C1QTNF3: variants seen among roughly 807,000 people sequenced by gnomAD.
C1QTNF3 encodes the protein C1q and TNF related 3, also known as complement C1q tumor necrosis factor-related protein 3.
Under a neutral mutation model 32.6 loss-of-function variants are expected in C1QTNF3, and 26 were observed. The observed-to-expected ratio is 0.80, with a 90% CI of 0.58 to 1.11. The LOEUF is 1.11. C1QTNF3 is among the 50% of genes least tolerant of loss of function. The pLI is 0.00. For synonymous variants in C1QTNF3, 155 were observed against 146.0 expected, an observed-to-expected ratio of 1.06 and a Z score of -0.44; for missense variants, 362 against 398.2, an observed-to-expected ratio of 0.91 and a Z score of 0.77.
At chr5:34,123,934 T>C in the C1QTNF3 span, among the ~76,000 whole-genome samples, 1 of 152,150 alleles carries the variant, frequency 6.6e-6, no homozygotes, top group Non-Finnish European at 1.5e-5. Context: ...AATACAGAAA[T>C]ACATTTTTTT....
At chr5:34,055,133 A>G in the C1QTNF3 span, among the ~76,000 whole-genome samples, 1 of 152,220 alleles carries the variant, frequency 6.6e-6, no homozygotes, top group Non-Finnish European at 1.5e-5. Flanking sequence ...TAATGTCACT[A>G]TTGGTGGAGT....
the C1QTNF3 span, among the ~76,000 whole-genome samples, chr5:34,211,986 C>T: frequency 6.6e-6 from 1 of 152,144 alleles, no homozygotes. Context: ...AGGCATCATG[C>T]TACCTGACTT....
the C1QTNF3 span, among the ~76,000 whole-genome samples, chr5:34,083,068 A>G: frequency 6.6e-6 from 1 of 151,454 alleles, no homozygotes; most frequent in South Asian, 2.1e-4. Flanking sequence ...GTTCAAATTC[A>G]TGCCTGTATG....
the C1QTNF3 span, among the ~76,000 whole-genome samples, chr5:34,109,905 G>A: frequency 1.3e-5 from 2 of 152,268 alleles, no homozygotes; most frequent in Admixed American, 6.5e-5. Flanking sequence ...ACTTCCTCAC[G>A]GTATAGTGGC....
the C1QTNF3 span, among the ~76,000 whole-genome samples, chr5:34,085,072 G>T: frequency 7.2e-6 from 1 of 137,988 alleles, no homozygotes; most frequent in Non-Finnish European, 1.5e-5. Context: ...CTCACTGCAA[G>T]CTCCGCCTCC....
chr5:34,087,762 C>T, the C1QTNF3 span, among the ~76,000 whole-genome samples: 1 of 151,986 alleles, frequency 6.6e-6, no homozygotes, highest in African/African-American at 2.4e-5. Flanking sequence ...TTATATATTT[C>T]TTTAGAGATG....
intron 1 of C1QTNF3, 102 bp downstream of exon 1, chr5:34,042,721 A>C: frequency 1.7e-6 from 2 of 1,207,228 alleles, no homozygotes; most frequent in Non-Finnish European, 1.2e-6. Flanking sequence ...GAAAGCATTC[A>C]TTGATTCTAA....
intron 4 of C1QTNF3, chr5:34,024,425 A>G (rs953973635): frequency 1.2e-5 from 2 of 172,790 alleles, no homozygotes; most frequent in African/African-American, 4.7e-5. Flanking sequence ...GAAAATGAGC[A>G]ACTATTACAA....
chr5:34,160,476 T>C, the C1QTNF3 span, among the ~76,000 whole-genome samples: 1 of 152,176 alleles, frequency 6.6e-6, no homozygotes, highest in Non-Finnish European at 1.5e-5. Flanking sequence ...GGATGTTTGA[T>C]CAGCATCTAA....
the C1QTNF3 span, among the ~76,000 whole-genome samples, chr5:34,174,905 G>C: frequency 6.7e-6 from 1 of 150,034 alleles, no homozygotes; most frequent in Non-Finnish European, 1.5e-5. Flanking sequence ...CCACCACCAC[G>C]CCCGGCTGAT....
the C1QTNF3 span, among the ~76,000 whole-genome samples, chr5:34,139,350 A>C: frequency 6.6e-6 from 1 of 152,212 alleles, no homozygotes; most frequent in Non-Finnish European, 1.5e-5. Flanking sequence ...TATTTTACCC[A>C]ACTTCTTTAA....
chr5:34,056,009 A>T, the C1QTNF3 span, among the ~76,000 whole-genome samples: 1 of 152,110 alleles, frequency 6.6e-6, no homozygotes, highest in Admixed American at 6.5e-5. Context: ...TGCATCACCT[A>T]CCCTAGTCAT....
At chr5:34,155,261 A>C in the C1QTNF3 span, among the ~76,000 whole-genome samples, 16 of 152,220 alleles carry the variant, frequency 1.1e-4, no homozygotes, top group African/African-American at 3.9e-4. Context: ...GAAAATGAGA[A>C]TCTTAAGCCT....
chr5:34,052,750 G>T, the C1QTNF3 span, among the ~76,000 whole-genome samples: 1 of 152,326 alleles, frequency 6.6e-6, no homozygotes, highest in Non-Finnish European at 1.5e-5. Context: ...CTCAGGGATT[G>T]GAGAAGGGGG....
the C1QTNF3 span, among the ~76,000 whole-genome samples, chr5:34,146,914 C>T: frequency 5.3e-5 from 8 of 152,152 alleles, no homozygotes; most frequent in Non-Finnish European, 1.2e-4. Flanking sequence ...ATATACCAAT[C>T]ACCTTGTATC....
At chr5:34,070,741 G>A in the C1QTNF3 span, among the ~76,000 whole-genome samples, 1 of 151,898 alleles carries the variant, frequency 6.6e-6, no homozygotes, top group Non-Finnish European at 1.5e-5. Flanking sequence ...TGGGGATCAG[G>A]CAGCATGGTA....
At chr5:34,057,981 C>T in the C1QTNF3 span, among the ~76,000 whole-genome samples, 1 of 152,160 alleles carries the variant, frequency 6.6e-6, no homozygotes, top group Admixed American at 6.6e-5. Flanking sequence ...TGCCTTGGCT[C>T]CTGGGCTTCC....
the C1QTNF3 span, among the ~76,000 whole-genome samples, chr5:34,123,398 AAT>A: frequency 6.6e-6 from 1 of 152,142 alleles, no homozygotes; most frequent in East Asian, 1.9e-4. Flanking sequence ...ACATATAAAT[AAT>A]ATCAGATTTT....
chr5:34,020,346 G>A lies in C1QTNF3; in HGVS notation c.*237C>T, dbSNP rs1219969313. ...TTATCTTTTAGGTGCCAAGGAAAGA[G>A]TGATAAAGATGCTGAGTATATTAGT... is the stretch of plus-strand genomic sequence containing the variant. On this transcript the variant is annotated 3_prime_UTR_variant, in exon 6 of 6. Coordinates refer to ENST00000382065, the MANE Select transcript of C1QTNF3 (RefSeq NM_181435.6). 4.8e-6 allele frequency: 2 copies of A among 412,764 alleles called. No individual in the cohort carries two copies. The highest frequency in any genetic ancestry group is 8.6e-6 in the Non-Finnish European group (2 of 232,650). 25.6% of individuals were successfully genotyped at this position (412,764 alleles called of 1,614,324 possible). A position where few individuals can be genotyped will look rare whatever the true frequency, so the allele number is the denominator to read the frequency against.
Sources: allele counts gnomAD v4.1 joint callset (sites outside exome capture counted in the v4.1 genomes callset), GRCh38; gene constraint gnomAD v4.1.1; transcripts MANE v1.5; gene names NCBI Gene and HGNC (gene_info 2026-07-23, HGNC 2026-07-21).